DLGAP1: variants seen among roughly 807,000 people sequenced by gnomAD.
The protein encoded by DLGAP1 is DLG associated protein 1.
DLGAP1 carries 11 observed loss-of-function variants against 90.8 expected under a neutral mutation model. The ratio of observed to expected loss-of-function variants is 0.12; its 90% CI spans 0.08 to 0.20. The LOEUF (loss-of-function observed/expected upper bound fraction) is 0.20. Among genes scored for constraint, DLGAP1 ranks in the 10% least tolerant of loss-of-function variants. The pLI, the probability that DLGAP1 is intolerant of heterozygous loss-of-function variation, is 1.00. For missense variants in DLGAP1, 1,050 were observed against 1,333.8 expected (o/e 0.79, Z 3.31); for synonymous variants, 558 against 540.7 (o/e 1.03, Z -0.44).
intron 1 of DLGAP1, among the ~76,000 whole-genome samples, chr18:4,442,866 C>T (rs1888898003): frequency 6.6e-6 from 1 of 152,160 alleles, no homozygotes. Flanking sequence ...TCCATGGCTC[C>T]ACAAGGGCAT....
chr18:4,451,365 G>T (rs1180244516), intron 1 of DLGAP1, among the ~76,000 whole-genome samples: 2 of 152,152 alleles, frequency 1.3e-5, no homozygotes, highest in East Asian at 3.8e-4. Context: ...ACAGGGAAAG[G>T]TGTAGCAAAT....
chr18:3,608,654 C>T (rs997150398), intron 7 of DLGAP1, among the ~76,000 whole-genome samples: 16 of 152,030 alleles, frequency 1.1e-4, no homozygotes, highest in African/African-American at 1.9e-4. Flanking sequence ...GAGCTGGCCA[C>T]GAGGGAATGC....
chr18:4,216,992 A>AT (rs2077972052), intron 1 of DLGAP1, among the ~76,000 whole-genome samples: 1 of 152,106 alleles, frequency 6.6e-6, no homozygotes, highest in Non-Finnish European at 1.5e-5. Flanking sequence ...TATCATATTG[A>AT]ATAGTTTCAC....
intron 1 of DLGAP1, among the ~76,000 whole-genome samples, chr18:4,225,063 A>G (rs2145001892): frequency 6.6e-6 from 1 of 152,176 alleles, no homozygotes; most frequent in East Asian, 1.9e-4. Flanking sequence ...AGGGAATAAA[A>G]CAAGAGGCTC....
chr18:4,334,160 C>A (rs1045158006), intron 1 of DLGAP1, among the ~76,000 whole-genome samples: 4 of 151,518 alleles, frequency 2.6e-5, no homozygotes, highest in African/African-American at 9.8e-5. Context: ...CTTGCTTGAA[C>A]CCGGGAGGCA....
At chr18:4,309,899 C>A (rs2143435136) in intron 1 of DLGAP1, among the ~76,000 whole-genome samples, 1 of 152,250 alleles carries the variant, frequency 6.6e-6, no homozygotes, top group South Asian at 2.1e-4. Context: ...TCTCTTACAC[C>A]ATCTCTTCTC....
rs184866457 is a variant in DLGAP1 at position 4,265,485 on chromosome 18, C to T, written c.-266-114198G>A. 5.9e-3 allele frequency among the ~76,000 whole-genome samples: 892 copies of T among 150,086 alleles called. 12 individuals carry two copies. The highest frequency in any genetic ancestry group is 0.011 in the Non-Finnish European group (708 of 67,392). On this transcript the variant is annotated intron_variant, in intron 1 of 12. Coordinates refer to ENST00000315677, the MANE Select transcript of DLGAP1 (RefSeq NM_004746.4). ...CACCCAGCCCCTTCCTTCCTTCCTT[C>T]CTTTCCTTTCCTTTTTCTTTGTTTC...
In DLGAP1 at chr18:3,879,376, C is replaced by T; in HGVS notation, c.693G>A (p.Ser231=). The T allele has an allele frequency of 6.2e-7, 1 of 1,613,282 alleles. No individual in the cohort carries two copies. The highest frequency in any genetic ancestry group is 8.5e-7 in the Non-Finnish European group (1 of 1,179,836). ...VMTMGRCPDR[S]ASQYFLEAYN... ...AGGCCTCCAGGAAGTACTGTGAGGC[C>T]GAGCGGTCGGGGCACCTGCCCATGG... Residue 231 remains serine, a synonymous_variant, in exon 4 of 13, where the codon TCG becomes TCA. Coordinates refer to ENST00000315677, the MANE Select transcript of DLGAP1 (RefSeq NM_004746.4). The surrounding 1 kb of genome is among the most constrained non-coding windows in gnomAD (Gnocchi z 6.6).
chr18:3,745,998 C>A (rs576253320), intron 5 of DLGAP1, among the ~76,000 whole-genome samples: 46 of 152,180 alleles, frequency 3.0e-4, no homozygotes, highest in African/African-American at 1.0e-3. Context: ...CTCAGCTATA[C>A]TTTATAGCTG....
intron 3 of DLGAP1, among the ~76,000 whole-genome samples, chr18:3,973,286 T>C (rs1157262880): frequency 1.8e-5 from 1 of 55,176 alleles, no homozygotes; most frequent in East Asian, 5.0e-4. Flanking sequence ...AGAATAGCCA[T>C]AGCCAAAAAA....
intron 5 of DLGAP1, among the ~76,000 whole-genome samples, chr18:3,781,577 G>A (rs996204408): frequency 2.0e-5 from 3 of 151,838 alleles, no homozygotes; most frequent in Admixed American, 6.6e-5. Flanking sequence ...CTGGTCTCAA[G>A]CTCCTGACTT....
chr18:4,279,710 T>C (rs945455483), intron 1 of DLGAP1, among the ~76,000 whole-genome samples: 5 of 152,244 alleles, frequency 3.3e-5, no homozygotes, highest in African/African-American at 1.2e-4. Context: ...TAAACATTTA[T>C]TGTAAAGCAT....
At chr18:3,713,982 C>T (rs1207079094) in intron 7 of DLGAP1, among the ~76,000 whole-genome samples, 4 of 152,180 alleles carry the variant, frequency 2.6e-5, no homozygotes, top group East Asian at 1.9e-4. Context: ...CTCACAGCAT[C>T]GTCCGAGGAT....
At chr18:3,802,532 A>AT (rs1436362347) in intron 5 of DLGAP1, among the ~76,000 whole-genome samples, 2 of 152,170 alleles carry the variant, frequency 1.3e-5, no homozygotes, top group East Asian at 3.9e-4. Context: ...CCTCTCAGTG[A>AT]TTATTCAGAT....
rs190070328 is a variant in DLGAP1 at position 3,773,938 on chromosome 18, T to A, written c.1173-31426A>T. 7.2e-5 allele frequency among the ~76,000 whole-genome samples: 11 copies of A among 152,310 alleles called. No homozygotes were observed. In the East Asian group the frequency reaches 2.1e-3, roughly 29 times the overall value. ...AAAAATATTTTTCTGTGATTGGGAA[T>A]CCAAGCTGGGAAATGAGACTTCTTT... On this transcript the variant is annotated intron_variant, in intron 5 of 12. Transcript: ENST00000315677.
Position 4,454,749 on chromosome 18 carries a change from G to A in DLGAP1, c.-267+257C>T, listed in dbSNP as rs1479448401. 6.6e-6 allele frequency among the ~76,000 whole-genome samples: 1 copy of A among 151,950 alleles called. No individual in the cohort carries two copies. The highest frequency in any genetic ancestry group is 6.5e-5 in the Admixed American group (1 of 15,278). ...TGCCTGGGTCCCCGTGGGGAGCCGCGAGGACCGCATGGCCGGAGAGGACGC... is the reference window on the plus strand; with the variant it reads ...TGCCTGGGTCCCCGTGGGGAGCCGCAAGGACCGCATGGCCGGAGAGGACGC... On this transcript the variant is annotated intron_variant, in intron 1 of 12. Coordinates refer to ENST00000315677, the MANE Select transcript of DLGAP1 (RefSeq NM_004746.4). The surrounding 1 kb of genome is among the most constrained non-coding windows in gnomAD (Gnocchi z 4.7).
At chr18:4,336,973 G>C (rs2081081580) in intron 1 of DLGAP1, among the ~76,000 whole-genome samples, 1 of 150,814 alleles carries the variant, frequency 6.6e-6, no homozygotes, top group Non-Finnish European at 1.5e-5. Flanking sequence ...AATTAGCCGG[G>C]CGTGGTGGCT....
At chr18:3,688,165 C>A (rs532784160) in intron 7 of DLGAP1, among the ~76,000 whole-genome samples, 1 of 152,244 alleles carries the variant, frequency 6.6e-6, no homozygotes, top group South Asian at 2.1e-4. Flanking sequence ...ACGGCCTCGG[C>A]CTCCCAAAGT....
chr18:4,051,931 ATTAAACC>A (rs1568370181), intron 2 of DLGAP1, among the ~76,000 whole-genome samples: 1 of 152,242 alleles, frequency 6.6e-6, no homozygotes, highest in Non-Finnish European at 1.5e-5. Flanking sequence ...TAGGTCAGTC[ATTAAACC>A]TTAAAGTTCC....
Sources: gnomAD v4.1 joint callset for allele counts (sites outside exome capture counted in the v4.1 genomes callset) on GRCh38, gnomAD v4.1.1 for gene constraint, Gnocchi (gnomAD v3.1) non-coding constraint, MANE v1.5 for transcripts, NCBI Gene and HGNC (gene_info 2026-07-23, HGNC 2026-07-21) for gene names.